The following EXT1 variants were observed in gnomAD, a reference collection of about 807,000 sequenced individuals.
EXT1 encodes the protein exostosin glycosyltransferase 1, also known as exostosin-1.
EXT1 carries 20 observed loss-of-function variants against 82.5 expected under a neutral mutation model. The ratio of observed to expected loss-of-function variants is 0.24; its 90% CI spans 0.17 to 0.35. The LOEUF (loss-of-function observed/expected upper bound fraction) is 0.35, where lower values mean the gene tolerates loss of function less well. Among genes scored for constraint, EXT1 ranks in the 10% least tolerant of loss-of-function variants. The pLI, the probability that EXT1 is intolerant of heterozygous loss-of-function variation, is 1.00. For missense variants in EXT1, 757 were observed against 936.5 expected (o/e 0.81, Z 2.50); for synonymous variants, 348 against 350.8 (o/e 0.99, Z 0.09).
intron 1 of EXT1, among the ~76,000 whole-genome samples, chr8:117,841,213 T>A (rs1812269082): frequency 6.6e-6 from 1 of 152,226 alleles, no homozygotes; most frequent in African/African-American, 2.4e-5. Context: ...GGTACATCCA[T>A]AGCCTACAAT....
chr8:118,052,003 G>C (rs1478952859), intron 1 of EXT1, among the ~76,000 whole-genome samples: 1 of 152,208 alleles, frequency 6.6e-6, no homozygotes, highest in Non-Finnish European at 1.5e-5. Flanking sequence ...AAGTGTCAAA[G>C]ACACCTTTGA....
At chr8:117,872,146 AGAAAAG>A (rs1812884912) in intron 1 of EXT1, among the ~76,000 whole-genome samples, 1 of 147,654 alleles carries the variant, frequency 6.8e-6, no homozygotes, top group African/African-American at 2.5e-5. Flanking sequence ...TTCAAAAGAA[AGAAAAG>A]GAAAAGGAAG....
intron 1 of EXT1, among the ~76,000 whole-genome samples, chr8:118,042,832 T>C (rs1816557327): frequency 6.6e-6 from 1 of 152,222 alleles, no homozygotes; most frequent in South Asian, 2.1e-4. Flanking sequence ...CACAGCCTCA[T>C]CTGTTGAATC....
intron 1 of EXT1, among the ~76,000 whole-genome samples, chr8:117,854,731 G>A (rs1319326597): frequency 6.6e-6 from 1 of 152,166 alleles, no homozygotes; most frequent in Non-Finnish European, 1.5e-5. Context: ...GTCACAATCT[G>A]TAACACTAAT....
intron 1 of EXT1, among the ~76,000 whole-genome samples, chr8:118,022,948 A>C (rs1046659594): frequency 2.0e-5 from 3 of 152,208 alleles, no homozygotes; most frequent in South Asian, 2.1e-4. Flanking sequence ...CTTTATCAAA[A>C]GTCAAAAGTC....
chr8:117,970,405 T>G (rs1316726540), intron 1 of EXT1, among the ~76,000 whole-genome samples: 1 of 151,810 alleles, frequency 6.6e-6, no homozygotes, highest in Admixed American at 6.6e-5. Flanking sequence ...CAGGTTTAAG[T>G]GATTCTCCTG....
At chr8:118,045,057 A>G (rs569789465) in intron 1 of EXT1, among the ~76,000 whole-genome samples, 8 of 152,344 alleles carry the variant, frequency 5.3e-5, no homozygotes, top group Non-Finnish European at 1.0e-4. Flanking sequence ...GCTCAACCAT[A>G]TCGTACACAA....
chr8:117,816,993 G>GC (rs926573795), intron 7 of EXT1, among the ~76,000 whole-genome samples: 1 of 152,128 alleles, frequency 6.6e-6, no homozygotes, highest in African/African-American at 2.4e-5. Flanking sequence ...CTATTCTATG[G>GC]GGGGGATGGA....
chr8:118,006,900 T>C (rs1422500373), intron 1 of EXT1, among the ~76,000 whole-genome samples: 1 of 152,150 alleles, frequency 6.6e-6, no homozygotes, highest in African/African-American at 2.4e-5. Flanking sequence ...AATGCAAGCG[T>C]AGGGCTGCCA....
chr8:118,042,314 G>T (rs567652007), intron 1 of EXT1, among the ~76,000 whole-genome samples: 62 of 152,002 alleles, frequency 4.1e-4, no homozygotes, highest in African/African-American at 1.4e-3. Context: ...GTTTTGTTTT[G>T]ATGGAGTCTT....
At chr8:118,102,550 T>C (rs1385570495) in intron 1 of EXT1, among the ~76,000 whole-genome samples, 1 of 152,176 alleles carries the variant, frequency 6.6e-6, no homozygotes, top group East Asian at 1.9e-4. Context: ...CCAGCTCCAA[T>C]ACATAAGTGT....
intron 1 of EXT1, among the ~76,000 whole-genome samples, chr8:117,997,914 C>A (rs1041918746): frequency 2.0e-5 from 3 of 152,092 alleles, no homozygotes; most frequent in Non-Finnish European, 4.4e-5. Flanking sequence ...CTGTAACATC[C>A]TTCATGGTTC....
intron 7 of EXT1, 35 bp downstream of exon 7, chr8:117,818,400 A>C: frequency 6.4e-7 from 1 of 1,573,996 alleles, no homozygotes; most frequent in Non-Finnish European, 8.7e-7. Context: ...AAGGCTCCAC[A>C]GTGGTTCCAC....
chr8:118,093,268 C>CAAAA (rs10594150), intron 1 of EXT1, among the ~76,000 whole-genome samples: 106 of 66,560 alleles, frequency 1.6e-3, no homozygotes, highest in East Asian at 4.8e-3. Flanking sequence ...AAATTCCCAG[C>CAAAA]AAAAAAAAAA....
chr8:117,936,542 T>G (rs941137565), intron 1 of EXT1, among the ~76,000 whole-genome samples: 3 of 152,216 alleles, frequency 2.0e-5, no homozygotes, highest in African/African-American at 7.2e-5. Flanking sequence ...GAACTGTCTA[T>G]CTTCTCTATT....
At chr8:117,915,827 G>C (rs368197368) in intron 1 of EXT1, among the ~76,000 whole-genome samples, 1 of 151,712 alleles carries the variant, frequency 6.6e-6, no homozygotes, top group African/African-American at 2.4e-5. Flanking sequence ...CTGCATTCCA[G>C]CGTGGGTGAC....
chr8:118,059,001 C>T (rs1036488017), intron 1 of EXT1, among the ~76,000 whole-genome samples: 2 of 152,150 alleles, frequency 1.3e-5, no homozygotes, highest in Non-Finnish European at 2.9e-5. Context: ...CTCCACCCCA[C>T]CAGACCCAAA....
chr8:117,825,320 TC>T (rs1199639185), intron 4 of EXT1, among the ~76,000 whole-genome samples: 2 of 151,450 alleles, frequency 1.3e-5, no homozygotes, highest in African/African-American at 4.8e-5. Flanking sequence ...TATAGAAAGA[TC>T]ATTTTTTTCC....
intron 8 of EXT1, among the ~76,000 whole-genome samples, chr8:117,811,780 T>A (rs925205757): frequency 6.6e-6 from 1 of 152,156 alleles, no homozygotes; most frequent in African/African-American, 2.4e-5. Context: ...CACGCCTGGC[T>A]AATTTTTGTA....
Sources: allele counts gnomAD v4.1 joint callset (sites outside exome capture counted in the v4.1 genomes callset), GRCh38; gene constraint gnomAD v4.1.1; transcripts MANE v1.5; gene names NCBI Gene and HGNC (gene_info 2026-07-23, HGNC 2026-07-21).